The following PARD3 variants were observed in gnomAD, a reference collection of about 807,000 sequenced individuals.
PARD3 encodes the protein par-3 family cell polarity regulator, also known as partitioning defective 3 homolog.
PARD3 carries 75 observed loss-of-function variants against 155.4 expected under a neutral mutation model. The ratio of observed to expected loss-of-function variants is 0.48; its 90% CI spans 0.40 to 0.58. The LOEUF is 0.58. Ranked by LOEUF, PARD3 falls within the 20% of genes least tolerant of loss-of-function variation. The pLI is 0.00. For synonymous variants in PARD3, 576 were observed against 610.5 expected, an observed-to-expected ratio of 0.94 and a Z score of 0.83; for missense variants, 1,642 against 1,721.7, an observed-to-expected ratio of 0.95 and a Z score of 0.82.
intron 2 of PARD3, among the ~76,000 whole-genome samples, chr10:34,617,645 C>T (rs2091348584): frequency 6.6e-6 from 1 of 152,142 alleles, no homozygotes; most frequent in Non-Finnish European, 1.5e-5. Context: ...TTCAATTTGT[C>T]TATAGATAAC....
At chr10:34,648,840 C>T (rs562801303) in intron 2 of PARD3, among the ~76,000 whole-genome samples, 2 of 152,272 alleles carry the variant, frequency 1.3e-5, no homozygotes, top group South Asian at 4.2e-4. Context: ...CTCAGAGGGC[C>T]AGTCACTTCA....
chr10:34,139,920 C>A (rs1564425254), intron 22 of PARD3, among the ~76,000 whole-genome samples: 2 of 152,106 alleles, frequency 1.3e-5, no homozygotes, highest in East Asian at 3.9e-4. Flanking sequence ...AACCTGCTTC[C>A]CACTTAGATA....
At chr10:34,227,886 T>TATATATATATATATA (rs1564499942) in intron 22 of PARD3, among the ~76,000 whole-genome samples, 1 of 62,926 alleles carries the variant, frequency 1.6e-5, no homozygotes, top group Non-Finnish European at 3.8e-5. Context: ...ATATATATAC[T>TATATATATATATATA]GGGAATATAT....
chr10:34,811,765 C>T (rs1844208987), intron 1 of PARD3, among the ~76,000 whole-genome samples: 1 of 152,168 alleles, frequency 6.6e-6, no homozygotes, highest in Non-Finnish European at 1.5e-5. Context: ...CTTCAACCAA[C>T]CCCACACAGC....
intron 4 of PARD3, among the ~76,000 whole-genome samples, chr10:34,465,499 C>T (rs144976422): frequency 7.2e-5 from 11 of 152,206 alleles, no homozygotes; most frequent in African/African-American, 2.2e-4. Context: ...GGAAAGATAG[C>T]AAACATGCTA....
chr10:34,798,772 C>T (rs1158940016), intron 1 of PARD3, among the ~76,000 whole-genome samples: 1 of 151,560 alleles, frequency 6.6e-6, no homozygotes, highest in African/African-American at 2.4e-5. Context: ...AGCCTTTGAG[C>T]ATGCTGGCTG....
intron 22 of PARD3, among the ~76,000 whole-genome samples, chr10:34,164,117 G>A (rs192197109): frequency 5.3e-5 from 8 of 152,122 alleles, no homozygotes; most frequent in Admixed American, 2.0e-4. Context: ...TGTGCAAAGC[G>A]GAAAAATAAA....
chr10:34,257,145 G>A (rs1349884812), intron 22 of PARD3, among the ~76,000 whole-genome samples: 3 of 152,176 alleles, frequency 2.0e-5, no homozygotes, highest in African/African-American at 7.2e-5. Flanking sequence ...GGTACCCAAG[G>A]AAAAGCTCTA....
chr10:34,426,220 C>A (rs1247015497), intron 5 of PARD3, among the ~76,000 whole-genome samples: 1 of 152,118 alleles, frequency 6.6e-6, no homozygotes, highest in African/African-American at 2.4e-5. Flanking sequence ...GTTTTCTTAC[C>A]TTTAAATGGC....
rs139322518 is a variant in PARD3, at chr10:34,800,428, G to A, written c.120+14448C>T. Among the ~76,000 whole-genome samples the A allele has an allele frequency of 8.8e-3, 1,342 of 151,958 alleles. 8 individuals are homozygous for A. Among genetic ancestry groups the A allele is most frequent in the Non-Finnish European group, 0.013 (883 of 67,976 alleles). On this transcript the variant is annotated intron_variant, in intron 1 of 24. Transcript: ENST00000374788. ...AGTTCAAGACCAGCCTGATAAACCA[G>A]GTGAAACCCCATCTCTACTAAAAAT...
Position 34,384,257 on chromosome 10 carries a change from G to A in PARD3, c.891-3C>T, listed in dbSNP as rs1777566567. 1 of 1,611,950 alleles carries A rather than the reference G, an allele frequency of 6.2e-7. No individual in the cohort carries two copies. Among genetic ancestry groups the A allele is most frequent in the Non-Finnish European group, 8.5e-7 (1 of 1,178,896 alleles). ...GTTTTACTAATAACCCCAGGGTTCT[G>A]GAACATTAAGAATGCAAATGATTAC... On this transcript the variant is annotated splice_polypyrimidine_tract_variant and splice_region_variant and intron_variant, in intron 7 of 24. Coordinates refer to ENST00000374788, the MANE Select transcript of PARD3 (RefSeq NM_001184785.2).
chr10:34,506,741 G>A (rs929923834), intron 3 of PARD3, among the ~76,000 whole-genome samples: 9 of 152,160 alleles, frequency 5.9e-5, no homozygotes, highest in African/African-American at 1.9e-4. Context: ...GATGAAAAAT[G>A]TCAACAGGCA....
At chr10:34,311,555 C>G (rs556798330) in intron 20 of PARD3, among the ~76,000 whole-genome samples, 83 of 152,334 alleles carry the variant, frequency 5.4e-4, no homozygotes, top group African/African-American at 1.9e-3. Context: ...AGCATTGGAT[C>G]TGTGATTCGA....
At chr10:34,208,068 G>A (rs2133380579) in intron 22 of PARD3, among the ~76,000 whole-genome samples, 1 of 152,276 alleles carries the variant, frequency 6.6e-6, no homozygotes, top group East Asian at 1.9e-4. Flanking sequence ...AATTTTAAGT[G>A]CCTTTGCTAA....
chr10:34,711,158 C>T (rs1179187381), intron 1 of PARD3, among the ~76,000 whole-genome samples: 2 of 150,804 alleles, frequency 1.3e-5, no homozygotes, highest in Non-Finnish European at 3.0e-5. Flanking sequence ...GCCTGGGTAA[C>T]ACACCCAAAC....
chr10:34,768,370 C>CGGGACAACTCGAAGCAAAGGG (rs1564599382), intron 1 of PARD3, among the ~76,000 whole-genome samples: 1 of 131,646 alleles, frequency 7.6e-6, no homozygotes, highest in East Asian at 1.9e-4. Flanking sequence ...GAAGCAAAGG[C>CGGGACAACTCGAAGCAAAGGG]GGGACAACTC....
intron 19 of PARD3, among the ~76,000 whole-genome samples, chr10:34,318,737 A>G (rs1356606507): frequency 6.6e-6 from 1 of 151,916 alleles, no homozygotes; most frequent in Non-Finnish European, 1.5e-5. Context: ...TATTTATCAT[A>G]ATGCAAAAAA....
intron 2 of PARD3, among the ~76,000 whole-genome samples, chr10:34,651,364 G>A (rs2093009882): frequency 6.6e-6 from 1 of 152,184 alleles, no homozygotes; most frequent in Non-Finnish European, 1.5e-5. Flanking sequence ...CATGTCACAG[G>A]CTTTCTCTGT....
chr10:34,771,499 A>T (rs1237377556), intron 1 of PARD3, among the ~76,000 whole-genome samples: 1 of 152,258 alleles, frequency 6.6e-6, no homozygotes, highest in Non-Finnish European at 1.5e-5. Context: ...CATTAGCAGC[A>T]TATTTCTGTC....
Sources: allele counts gnomAD v4.1 joint callset (sites outside exome capture counted in the v4.1 genomes callset), GRCh38; gene constraint gnomAD v4.1.1; transcripts MANE v1.5; gene names NCBI Gene and HGNC (gene_info 2026-07-23, HGNC 2026-07-21).